NPAS3: variants seen among roughly 807,000 people sequenced by gnomAD.
NPAS3 encodes the protein neuronal PAS domain protein 3, also known as neuronal PAS domain-containing protein 3.
Under a neutral mutation model 73.1 loss-of-function variants are expected in NPAS3, and 14 were observed. That is an observed-to-expected ratio of 0.19 (90% CI 0.13 to 0.30). The LOEUF is 0.30. NPAS3 is among the 10% of genes least tolerant of loss of function. The pLI is 1.00. For missense variants in NPAS3, 1,096 were observed against 1,250.0 expected (o/e 0.88, Z 1.86); for synonymous variants, 620 against 541.5 (o/e 1.14, Z -2.01).
intron 3 of NPAS3, among the ~76,000 whole-genome samples, chr14:33,327,273 A>G (rs970592833): frequency 2.0e-5 from 3 of 152,224 alleles, no homozygotes; most frequent in Non-Finnish European, 2.9e-5. Flanking sequence ...AGTGCATGCT[A>G]TGTACGACAC....
chr14:33,662,289 A>T (rs985806989), intron 5 of NPAS3, among the ~76,000 whole-genome samples: 25 of 152,208 alleles, frequency 1.6e-4, no homozygotes, highest in African/African-American at 5.5e-4. Flanking sequence ...AATACTCTTC[A>T]TCTTGAGCTC....
rs1034502322 is a variant in NPAS3, at chr14:33,343,796, A to C, written c.386-23390A>C. Among the ~76,000 whole-genome samples the C allele has an allele frequency of 1.3e-5, 2 of 152,128 alleles. 1 individual carries two copies. ...ACCGTGATGGAATTATCCGTGTAGA[A>C]GTTTGTAGGTAGGCAGCCCTAGGCA... On this transcript the variant is annotated intron_variant, in intron 3 of 11. Transcript: ENST00000356141.
At chr14:33,028,620 G>A (rs972049227) in intron 1 of NPAS3, among the ~76,000 whole-genome samples, 1 of 152,148 alleles carries the variant, frequency 6.6e-6, no homozygotes, top group African/African-American at 2.4e-5. Flanking sequence ...ATCTATGGCA[G>A]TTAGCATAGG....
intron 4 of NPAS3, among the ~76,000 whole-genome samples, chr14:33,495,349 G>C (rs571803355): frequency 6.6e-6 from 1 of 151,986 alleles, no homozygotes; most frequent in Non-Finnish European, 1.5e-5. Context: ...AGACTGTTAT[G>C]ATTTCCATTC....
chr14:33,049,530 T>C (rs2040628935), intron 1 of NPAS3, among the ~76,000 whole-genome samples: 1 of 152,088 alleles, frequency 6.6e-6, no homozygotes, highest in Non-Finnish European at 1.5e-5. Context: ...TGCAGAGAAA[T>C]TCCCATTTTA....
chr14:33,504,930 A>G (rs1023275840), intron 4 of NPAS3, among the ~76,000 whole-genome samples: 1 of 152,050 alleles, frequency 6.6e-6, no homozygotes, highest in Non-Finnish European at 1.5e-5. Context: ...GGCAAAAGAA[A>G]TGGGGAGAGA....
At chr14:33,190,346 T>C (rs183660452) in intron 2 of NPAS3, among the ~76,000 whole-genome samples, 276 of 152,366 alleles carry the variant, frequency 1.8e-3, no homozygotes, top group Non-Finnish European at 2.9e-3. Context: ...GTTTGCACTT[T>C]TGAGTGTATT....
intron 1 of NPAS3, among the ~76,000 whole-genome samples, chr14:33,021,510 A>T (rs940268891): frequency 6.6e-6 from 1 of 152,160 alleles, no homozygotes; most frequent in African/African-American, 2.4e-5. Context: ...GCCTACAGAC[A>T]CATTTGGTTT....
intron 1 of NPAS3, among the ~76,000 whole-genome samples, chr14:32,953,809 G>A (rs2139163832): frequency 6.6e-6 from 1 of 152,256 alleles, no homozygotes; most frequent in South Asian, 2.1e-4. Flanking sequence ...TGTTACAAGA[G>A]GACCCTTGAG....
chr14:33,147,021 T>C (rs1165200811), intron 2 of NPAS3, among the ~76,000 whole-genome samples: 3 of 152,200 alleles, frequency 2.0e-5, no homozygotes, highest in Non-Finnish European at 4.4e-5. Flanking sequence ...CTAATTTATA[T>C]GTGGAGCAAG....
intron 6 of NPAS3, among the ~76,000 whole-genome samples, chr14:33,729,003 G>A (rs1056950442): frequency 6.6e-6 from 1 of 152,142 alleles, no homozygotes; most frequent in Non-Finnish European, 1.5e-5. Flanking sequence ...TTTGACACGT[G>A]TAACTGAATG....
intron 1 of NPAS3, among the ~76,000 whole-genome samples, chr14:32,943,623 T>A (rs2036122288): frequency 2.0e-5 from 3 of 152,188 alleles, no homozygotes; most frequent in Admixed American, 1.3e-4. Flanking sequence ...GGAAGCATTA[T>A]TTATTTTCTT....
chr14:33,108,079 T>G (rs936798051), intron 2 of NPAS3, among the ~76,000 whole-genome samples: 1 of 152,156 alleles, frequency 6.6e-6, no homozygotes, highest in Admixed American at 6.6e-5. Context: ...GTGCTACTAG[T>G]TTTGTGTTAC....
intron 7 of NPAS3, among the ~76,000 whole-genome samples, chr14:33,763,217 G>A (rs7142825): frequency 0.047 from 7,146 of 152,250 alleles, 369 homozygotes; most frequent in African/African-American, 0.13. Context: ...ACTTGGCACC[G>A]CCGTGGATTC....
chr14:32,996,836 T>C (rs2139526456), intron 1 of NPAS3, among the ~76,000 whole-genome samples: 1 of 151,850 alleles, frequency 6.6e-6, no homozygotes, highest in Non-Finnish European at 1.5e-5. Context: ...GGGTCGGGGC[T>C]CCCACACAGA....
intron 4 of NPAS3, among the ~76,000 whole-genome samples, chr14:33,393,268 G>A (rs892784536): frequency 9.9e-5 from 15 of 152,104 alleles, no homozygotes; most frequent in African/African-American, 3.4e-4. Context: ...TGTGGTCACC[G>A]TATTTGCTGA....
At position 33,101,853 on chromosome 14, in the gene NPAS3, C is replaced by T. The variant is rs187699767; in HGVS notation, c.140+45859C>T. On this transcript the variant is annotated intron_variant, in intron 2 of 11. Transcript: ENST00000356141. The stretch of plus-strand genomic sequence containing the variant: ...TTCCTAAGCTGAACTCTTGAGCTCC[C>T]TGCTAAAACCTGTTTTTTCTTCCCT... 2.6e-5 allele frequency among the ~76,000 whole-genome samples: 4 copies of T among 152,270 alleles called. No individual in the cohort carries two copies. The East Asian group carries it at 7.7e-4, about 29-fold the overall frequency.
intron 4 of NPAS3, among the ~76,000 whole-genome samples, chr14:33,530,400 C>T (rs894714223): frequency 2.6e-5 from 4 of 152,142 alleles, no homozygotes; most frequent in Admixed American, 6.6e-5. Context: ...GGCATTGAAG[C>T]AATTAGCATA....
intron 5 of NPAS3, among the ~76,000 whole-genome samples, chr14:33,647,421 T>C (rs183164578): frequency 1.3e-5 from 2 of 152,074 alleles, no homozygotes; most frequent in African/African-American, 4.8e-5. Flanking sequence ...TTTGATATAC[T>C]TATGCTGCCT....
Sources: allele counts gnomAD v4.1 joint callset (sites outside exome capture counted in the v4.1 genomes callset), GRCh38; gene constraint gnomAD v4.1.1; transcripts MANE v1.5; gene names NCBI Gene and HGNC (gene_info 2026-07-23, HGNC 2026-07-21).